Variants in RIMS2 observed in about 807,000 individuals in gnomAD.
RIMS2 encodes regulating synaptic membrane exocytosis 2.
A neutral mutation model predicts 174.4 loss-of-function variants in RIMS2; 59 were observed. The ratio of observed to expected loss-of-function variants is 0.34; its 90% CI spans 0.27 to 0.42. RIMS2 has a LOEUF of 0.42. RIMS2 is among the 10% of genes least tolerant of loss of function. The probability of loss-of-function intolerance (pLI) is 1.00; values close to 1 mark genes in which losing one functional copy is unlikely to be tolerated. For missense variants in RIMS2, 1,620 were observed against 1,666.3 expected, an observed-to-expected ratio of 0.97 and a Z score of 0.48; for synonymous variants, 606 against 572.5, an observed-to-expected ratio of 1.06 and a Z score of -0.84.
At chr8:103,623,991 C>T (rs1238146866) in intron 1 of RIMS2, among the ~76,000 whole-genome samples, 1 of 152,058 alleles carries the variant, frequency 6.6e-6, no homozygotes, top group Non-Finnish European at 1.5e-5. Flanking sequence ...CCAGAATAGA[C>T]TAAGTTAATG....
intron 3 of RIMS2, among the ~76,000 whole-genome samples, chr8:103,777,171 T>C (rs2098327554): frequency 2.6e-5 from 4 of 152,038 alleles, no homozygotes; most frequent in Admixed American, 2.6e-4. Context: ...CATTAAATAG[T>C]TGTTGAAAGA....
intron 19 of RIMS2, among the ~76,000 whole-genome samples, chr8:104,086,143 C>G (rs2097532966): frequency 6.6e-6 from 1 of 151,712 alleles, no homozygotes; most frequent in Admixed American, 6.6e-5. Flanking sequence ...AGTAGAAACC[C>G]TGAGTGGCAA....
At chr8:104,002,203 A>G (rs1373989500) in intron 17 of RIMS2, among the ~76,000 whole-genome samples, 1 of 151,672 alleles carries the variant, frequency 6.6e-6, no homozygotes, top group Non-Finnish European at 1.5e-5. Flanking sequence ...TTATTGTTTC[A>G]TTAAGTTATT....
At chr8:103,990,577 T>G (rs905673826) in intron 17 of RIMS2, among the ~76,000 whole-genome samples, 1 of 152,044 alleles carries the variant, frequency 6.6e-6, no homozygotes, top group Admixed American at 6.5e-5. Context: ...TCAAGTACAA[T>G]ACTGTAATAG....
intron 19 of RIMS2, among the ~76,000 whole-genome samples, chr8:104,163,620 A>C (rs2098778259): frequency 6.6e-6 from 1 of 152,172 alleles, no homozygotes; most frequent in Non-Finnish European, 1.5e-5. Flanking sequence ...AGTAGTTTCT[A>C]ATGTAACCTA....
chr8:103,898,818 C>T (rs1202118989), intron 4 of RIMS2, among the ~76,000 whole-genome samples: 1 of 151,330 alleles, frequency 6.6e-6, no homozygotes, highest in Admixed American at 6.6e-5. Flanking sequence ...TGGTGTGCTG[C>T]ACCCATGAAC....
chr8:103,675,052 A>G (rs1458913651), intron 1 of RIMS2, among the ~76,000 whole-genome samples: 1 of 152,188 alleles, frequency 6.6e-6, no homozygotes, highest in Non-Finnish European at 1.5e-5. Context: ...CGAGGATTAC[A>G]GGCACTCGCC....
At chr8:104,255,527 C>T (rs2099366500), downstream of RIMS2, 1 of 152,300 alleles carries the variant, frequency 6.6e-6, no homozygotes, top group African/African-American at 2.4e-5. Flanking sequence ...ACCCTAACAA[C>T]ATGGCTGCCA....
intron 19 of RIMS2, among the ~76,000 whole-genome samples, chr8:104,099,548 G>C (rs1263433552): frequency 6.6e-6 from 1 of 152,142 alleles, no homozygotes; most frequent in Non-Finnish European, 1.5e-5. Context: ...AACACCACAG[G>C]TGATTATGAT....
chr8:103,899,595 G>A (rs1594796292), intron 4 of RIMS2, among the ~76,000 whole-genome samples: 1 of 151,474 alleles, frequency 6.6e-6, no homozygotes, highest in African/African-American at 2.4e-5. Context: ...ATTTGTTTGA[G>A]TTCTTTGTAG....
chr8:104,173,959 T>G (rs1335344611), intron 19 of RIMS2, among the ~76,000 whole-genome samples: 6 of 150,164 alleles, frequency 4.0e-5, no homozygotes, highest in Admixed American at 1.3e-4. Context: ...ATTTATTTAT[T>G]TATGTAGAGA....
At chr8:104,082,715 A>G (rs1295517659) in intron 19 of RIMS2, among the ~76,000 whole-genome samples, 2 of 151,906 alleles carry the variant, frequency 1.3e-5, no homozygotes, top group Non-Finnish European at 2.9e-5. Context: ...TATTTTAAAT[A>G]CCTGTATTAT....
chr8:104,175,088 A>G (rs1425771213), intron 19 of RIMS2, among the ~76,000 whole-genome samples: 2 of 152,182 alleles, frequency 1.3e-5, no homozygotes, highest in Non-Finnish European at 1.5e-5. Flanking sequence ...CTCTATGATG[A>G]ATACATACTC....
At chr8:103,574,888 T>G (rs2093099649) in intron 1 of RIMS2, among the ~76,000 whole-genome samples, 1 of 152,218 alleles carries the variant, frequency 6.6e-6, no homozygotes, top group Non-Finnish European at 1.5e-5. Flanking sequence ...GCCCTTGTTG[T>G]GAAGTAACTT....
intron 19 of RIMS2, among the ~76,000 whole-genome samples, chr8:104,103,111 T>G (rs1259217872): frequency 6.6e-6 from 1 of 152,056 alleles, no homozygotes; most frequent in Non-Finnish European, 1.5e-5. Flanking sequence ...AAACTTACGC[T>G]AAGTAAAAGA....
intron 1 of RIMS2, among the ~76,000 whole-genome samples, chr8:103,548,348 T>A (rs1846051318): frequency 1.3e-5 from 2 of 152,132 alleles, no homozygotes; most frequent in South Asian, 4.1e-4. Flanking sequence ...GGGATACAAG[T>A]TTTGTTCAAC....
intron 1 of RIMS2, among the ~76,000 whole-genome samples, chr8:103,618,122 T>C (rs1390224373): frequency 6.6e-6 from 1 of 151,792 alleles, no homozygotes; most frequent in Non-Finnish European, 1.5e-5. Context: ...ATAAAGAAAA[T>C]GTGGTACACA....
At chr8:103,566,588 A>G (rs2092370129) in intron 1 of RIMS2, among the ~76,000 whole-genome samples, 2 of 152,140 alleles carry the variant, frequency 1.3e-5, no homozygotes, top group African/African-American at 2.4e-5. Context: ...TTTATTGATT[A>G]CTTCTCCCAG....
chr8:104,229,279 G>A (rs1046486731), intron 19 of RIMS2, among the ~76,000 whole-genome samples: 3 of 152,066 alleles, frequency 2.0e-5, no homozygotes, highest in African/African-American at 2.4e-5. Context: ...CCTATTTATG[G>A]ATCAGACAAG....
Sources: allele counts gnomAD v4.1 joint callset (sites outside exome capture counted in the v4.1 genomes callset), GRCh38; gene constraint gnomAD v4.1.1; transcripts MANE v1.5; gene names NCBI Gene and HGNC (gene_info 2026-07-23, HGNC 2026-07-21).